Variants in SPIRE1 observed in about 807,000 individuals in gnomAD.
SPIRE1 encodes spire type actin nucleation factor 1.
In SPIRE1, 40 loss-of-function variants were observed where a neutral mutation model predicts 94.1. The observed-to-expected ratio is 0.43, with a 90% CI of 0.33 to 0.55. SPIRE1 has a LOEUF of 0.55. Ranked by LOEUF, SPIRE1 falls within the 20% of genes least tolerant of loss-of-function variation. The probability of loss-of-function intolerance (pLI) is 0.06; values close to 1 mark genes in which losing one functional copy is unlikely to be tolerated. For synonymous variants in SPIRE1, 376 were observed against 371.7 expected (o/e 1.01, Z -0.13); for missense variants, 838 against 975.2 (o/e 0.86, Z 1.87).
At chr18:12,632,664 T>A (rs2037814561) in intron 2 of SPIRE1, among the ~76,000 whole-genome samples, 1 of 152,208 alleles carries the variant, frequency 6.6e-6, no homozygotes, top group Non-Finnish European at 1.5e-5. Context: ...CAGATTGAAA[T>A]TTTTGTTTCC....
intron 2 of SPIRE1, among the ~76,000 whole-genome samples, chr18:12,566,006 C>G (rs972485212): frequency 6.6e-6 from 1 of 150,486 alleles, no homozygotes; most frequent in African/African-American, 2.5e-5. Context: ...GCACTCCAGC[C>G]TGGGCGACAA....
chr18:12,572,869 T>G (rs1179292063), intron 2 of SPIRE1, among the ~76,000 whole-genome samples: 1 of 152,142 alleles, frequency 6.6e-6, no homozygotes, highest in East Asian at 1.9e-4. Context: ...CCTTAAACCT[T>G]TCACAAAAAT....
chr18:12,552,865 G>A (rs1464923965), intron 2 of SPIRE1, among the ~76,000 whole-genome samples: 2 of 152,068 alleles, frequency 1.3e-5, no homozygotes, highest in Non-Finnish European at 2.9e-5. Flanking sequence ...TCTTTAACTC[G>A]GTGTCTGAGG....
chr18:12,656,660 G>C (rs1224939332), intron 1 of SPIRE1: 1 of 964,388 alleles, frequency 1.0e-6, no homozygotes, highest in East Asian at 1.1e-4. Flanking sequence ...CCTCTCAAAA[G>C]AATGAATTAG....
intron 3 of SPIRE1, among the ~76,000 whole-genome samples, chr18:12,537,369 C>T (rs140745084): frequency 1.3e-4 from 20 of 152,304 alleles, no homozygotes; most frequent in Non-Finnish European, 2.5e-4. Flanking sequence ...CATAAAGCCA[C>T]TGGGTTTCAA....
intron 2 of SPIRE1, among the ~76,000 whole-genome samples, chr18:12,611,015 C>T (rs1471470403): frequency 1.3e-5 from 2 of 152,166 alleles, no homozygotes; most frequent in African/African-American, 2.4e-5. Flanking sequence ...TATCCCCTCT[C>T]GCCAAGGTAA....
intron 4 of SPIRE1, among the ~76,000 whole-genome samples, chr18:12,528,622 C>T (rs12956686): frequency 0.093 from 14,189 of 152,192 alleles, 943 homozygotes; most frequent in Middle Eastern, 0.19. Context: ...TTGTGAACAG[C>T]TGCCCTGTCA....
At chr18:12,459,932 A>G (rs1052759824) in intron 12 of SPIRE1, 1 of 985,726 alleles carries the variant, frequency 1.0e-6, no homozygotes, top group Non-Finnish European at 1.2e-6. Flanking sequence ...TAGGAACCTG[A>G]ACAACAGATA....
chr18:12,554,668 C>T (rs1212948243), intron 2 of SPIRE1, among the ~76,000 whole-genome samples: 1 of 152,132 alleles, frequency 6.6e-6, no homozygotes, highest in African/African-American at 2.4e-5. Context: ...ACATCAAAAC[C>T]AGACAAAAGA....
chr18:12,537,430 A>C (rs2034873715), intron 3 of SPIRE1, among the ~76,000 whole-genome samples: 2 of 152,216 alleles, frequency 1.3e-5, no homozygotes, highest in African/African-American at 2.4e-5. Flanking sequence ...ATATTCACAT[A>C]TTATACACAA....
chr18:12,470,622 C>T (rs1453675729), intron 10 of SPIRE1, among the ~76,000 whole-genome samples: 1 of 152,200 alleles, frequency 6.6e-6, no homozygotes, highest in Non-Finnish European at 1.5e-5. Context: ...TGTGTGAGTA[C>T]ACACGTGTGT....
At position 12,635,163 on chromosome 18, in the gene SPIRE1, T is replaced by C. The variant is rs899492190; in HGVS notation, c.338-67A>G. 6 of 849,404 alleles carry C rather than the reference T, an allele frequency of 7.1e-6. No individual in the cohort carries two copies. In the African/African-American group the frequency reaches 1.0e-4, roughly 14 times the overall value. 52.6% of individuals were successfully genotyped at this position (849,404 alleles called of 1,614,324 possible). On this transcript the variant is annotated intron_variant, in intron 1 of 16. Transcript: ENST00000409402. ...CTTTTTTAAATCATTGATAAAAATA[T>C]TTGAGCTTCTCTGGCTATGGCTTTA...
At position 12,636,248 on chromosome 18, in the gene SPIRE1, CAAATATGCATTTAGCTCT is replaced by C. The variant is rs140368641; in HGVS notation, c.338-1170_338-1153del. ...CACTTAGATTTCACTGACCTAAATT[CAAATATGCATTTAGCTCT>C]ATACCTTTCCCTTCACCCAATACTA... On this transcript the variant is annotated intron_variant, in intron 1 of 16. Transcript: ENST00000409402. 907 of 152,264 alleles carry C rather than the reference CAAATATGCATTTAGCTCT, an allele frequency of 6.0e-3. 7 individuals are homozygous for C. Among genetic ancestry groups the C allele is most frequent in the Non-Finnish European group, 9.7e-3 (660 of 68,012 alleles). The allele number at this position is 152,264 out of a possible 1,614,324, so 9.4% of individuals were successfully genotyped here. A position where few individuals can be genotyped will look rare whatever the true frequency, so the allele number is the denominator to read the frequency against.
chr18:12,558,222 TC>T (rs2035575985), intron 2 of SPIRE1, among the ~76,000 whole-genome samples: 1 of 152,180 alleles, frequency 6.6e-6, no homozygotes, highest in African/African-American at 2.4e-5. Flanking sequence ...TCTGGTGGGT[TC>T]CTGGTCTCAC....
At chr18:12,510,671 T>G (rs1428473840) in intron 5 of SPIRE1, among the ~76,000 whole-genome samples, 2 of 151,880 alleles carry the variant, frequency 1.3e-5, no homozygotes, top group Non-Finnish European at 2.9e-5. Flanking sequence ...GCCTCCCAAG[T>G]AGGTGGGATT....
In SPIRE1 at chr18:12,524,171, T is replaced by C. The variant is rs138455418; in HGVS notation, c.729+11305A>G. On this transcript the variant is annotated intron_variant, in intron 4 of 16. Transcript: ENST00000409402. Reference sequence around the variant, plus strand: ...ATGTATTGGATTATATTGTGTAAAATATACTCATATAATACTTTGAAAAAT... The same window carrying C: ...ATGTATTGGATTATATTGTGTAAAACATACTCATATAATACTTTGAAAAAT... 2.6e-5 allele frequency among the ~76,000 whole-genome samples: 4 copies of C among 152,354 alleles called. No homozygotes were observed. The East Asian group carries it at 7.7e-4, about 29-fold the overall frequency.
At chr18:12,614,204 T>A (rs1266284171) in intron 2 of SPIRE1, among the ~76,000 whole-genome samples, 1 of 152,136 alleles carries the variant, frequency 6.6e-6, no homozygotes, top group African/African-American at 2.4e-5. Context: ...CAGACTGCAG[T>A]GAGCTATGAT....
intron 3 of SPIRE1, among the ~76,000 whole-genome samples, chr18:12,546,102 G>A (rs533455871): frequency 5.5e-4 from 83 of 152,082 alleles, no homozygotes; most frequent in African/African-American, 2.0e-3. Flanking sequence ...CCATTCTCCT[G>A]CCTCAGCCTC....
chr18:12,476,074 A>T (rs1391415914), intron 10 of SPIRE1, among the ~76,000 whole-genome samples: 1 of 152,244 alleles, frequency 6.6e-6, no homozygotes, highest in Admixed American at 6.5e-5. Flanking sequence ...TAATGTTAAT[A>T]GTGTTTTAGA....
Sources: gnomAD v4.1 joint callset for allele counts (sites outside exome capture counted in the v4.1 genomes callset) on GRCh38, gnomAD v4.1.1 for gene constraint, MANE v1.5 for transcripts, NCBI Gene and HGNC (gene_info 2026-07-23, HGNC 2026-07-21) for gene names.